Variants in BTC observed in about 807,000 individuals in gnomAD.
The protein encoded by BTC is probetacellulin.
Under a neutral mutation model 18.1 loss-of-function variants are expected in BTC, and 13 were observed. That is an observed-to-expected ratio of 0.72 (90% CI 0.47 to 1.14). The LOEUF is 1.14. Among genes scored for constraint, BTC ranks in the 50% most tolerant of loss-of-function variants. BTC has a pLI of 0.00. For synonymous variants in BTC, 83 were observed against 79.4 expected (o/e 1.05, Z -0.24); for missense variants, 247 against 224.2 (o/e 1.10, Z -0.65).
chr4:74,757,795 C>A (rs571601501), intron 2 of BTC, among the ~76,000 whole-genome samples: 10 of 152,164 alleles, frequency 6.6e-5, no homozygotes, highest in African/African-American at 2.4e-4. Flanking sequence ...TTTAGCTATG[C>A]CTTTCACTAG....
At chr4:74,772,919 G>A (rs964115563) in intron 1 of BTC, among the ~76,000 whole-genome samples, 1 of 152,156 alleles carries the variant, frequency 6.6e-6, no homozygotes, top group Non-Finnish European at 1.5e-5. Context: ...CCCACAGGCT[G>A]GGGGCTATGG....
At chr4:74,761,225 G>A (rs1176232591) in intron 2 of BTC, among the ~76,000 whole-genome samples, 1 of 152,134 alleles carries the variant, frequency 6.6e-6, no homozygotes. Flanking sequence ...GAAGGGACAG[G>A]AAGAAAACTT....
intron 4 of BTC, among the ~76,000 whole-genome samples, chr4:74,749,983 C>G (rs542436628): frequency 6.6e-6 from 1 of 151,050 alleles, no homozygotes; most frequent in South Asian, 2.1e-4. Flanking sequence ...GTATTCCCCG[C>G]TACTCAGGAG....
At chr4:74,787,874 C>T (rs1725522772) in intron 1 of BTC, among the ~76,000 whole-genome samples, 1 of 152,128 alleles carries the variant, frequency 6.6e-6, no homozygotes, top group Non-Finnish European at 1.5e-5. Flanking sequence ...CCTAAGAAAG[C>T]CTAGCAATAC....
intron 3 of BTC, among the ~76,000 whole-genome samples, chr4:74,754,786 C>T (rs986399424): frequency 6.6e-6 from 1 of 151,962 alleles, no homozygotes; most frequent in Admixed American, 6.6e-5. Context: ...TAGAGGGCAG[C>T]AATATCTAAG....
At chr4:74,755,190 A>G (rs1724566691) in intron 3 of BTC, among the ~76,000 whole-genome samples, 1 of 152,200 alleles carries the variant, frequency 6.6e-6, no homozygotes, top group South Asian at 2.1e-4. Flanking sequence ...TAAACATTCT[A>G]TGAACTTTAA....
chr4:74,755,887 C>A lies in BTC; in HGVS notation c.253G>T (p.Val85Leu). 6.2e-7 allele frequency: 1 copy of A among 1,614,122 alleles called. No homozygotes were observed. Among genetic ancestry groups the A allele is most frequent in the Non-Finnish European group, 8.5e-7 (1 of 1,180,016 alleles). Residue 85 changes from valine (V) to leucine (L), a missense_variant, in exon 3 of 6, where the codon GTG becomes TTG. Coordinates refer to ENST00000395743, the MANE Select transcript of BTC (RefSeq NM_001729.4). ...HYCIKGRCRF[V>L]VAEQTPSCVC... ...CAGGAGGGCGTCTGCTCGGCCACCA[C>A]GAAGCGGCATCTCCCTTTGATGCAG...
At chr4:74,772,524 T>C (rs1725069730) in intron 1 of BTC, among the ~76,000 whole-genome samples, 1 of 152,128 alleles carries the variant, frequency 6.6e-6, no homozygotes, top group South Asian at 2.1e-4. Flanking sequence ...ACTCTTTATA[T>C]TCAAAAATCC....
At chr4:74,752,570 G>A (rs1724493102) in intron 3 of BTC, among the ~76,000 whole-genome samples, 1 of 151,888 alleles carries the variant, frequency 6.6e-6, no homozygotes, top group Non-Finnish European at 1.5e-5. Flanking sequence ...AGTAGAGACA[G>A]GGTTTCCACC....
At chr4:74,783,121 AT>A (rs779922067) in intron 1 of BTC, among the ~76,000 whole-genome samples, 4 of 151,912 alleles carry the variant, frequency 2.6e-5, no homozygotes, top group Non-Finnish European at 4.4e-5. Context: ...CCACTTGTCA[AT>A]TTTTGCTTTT....
At chr4:74,766,792 AG>A (rs1416023610) in intron 2 of BTC, among the ~76,000 whole-genome samples, 1 of 152,094 alleles carries the variant, frequency 6.6e-6, no homozygotes, top group East Asian at 1.9e-4. Context: ...AGTTAAACAA[AG>A]ACATTATAAG....
intron 2 of BTC, among the ~76,000 whole-genome samples, chr4:74,766,140 C>G (rs1205107361): frequency 2.6e-5 from 4 of 151,944 alleles, no homozygotes; most frequent in African/African-American, 9.7e-5. Context: ...AAGGAACTTG[C>G]AAGACTAGAA....
chr4:74,769,739 A>G (rs1724990414), intron 2 of BTC, among the ~76,000 whole-genome samples: 1 of 152,172 alleles, frequency 6.6e-6, no homozygotes, highest in Non-Finnish European at 1.5e-5. Flanking sequence ...TGGAGCATGC[A>G]TCTGTGACCC....
intron 2 of BTC, among the ~76,000 whole-genome samples, chr4:74,760,924 C>T (rs1553957245): frequency 1.3e-5 from 2 of 151,968 alleles, no homozygotes; most frequent in Non-Finnish European, 1.5e-5. Flanking sequence ...TTAGTACAGA[C>T]GGGGTTTCAC....
intron 1 of BTC, among the ~76,000 whole-genome samples, chr4:74,790,651 T>C (rs1725599667): frequency 6.6e-6 from 1 of 152,186 alleles, no homozygotes; most frequent in Non-Finnish European, 1.5e-5. Flanking sequence ...CTGGAGAATA[T>C]ACAGGAGTCA....
At chr4:74,757,445 A>C (rs529807122) in intron 2 of BTC, among the ~76,000 whole-genome samples, 1 of 152,288 alleles carries the variant, frequency 6.6e-6, no homozygotes, top group South Asian at 2.1e-4. Context: ...TGCTTGATAC[A>C]TGTCAACCAA....
At chr4:74,758,988 C>T (rs1577952772) in intron 2 of BTC, among the ~76,000 whole-genome samples, 1 of 151,952 alleles carries the variant, frequency 6.6e-6, no homozygotes, top group Non-Finnish European at 1.5e-5. Flanking sequence ...CATACACAAA[C>T]CCAGATGGGC....
At chr4:74,782,876 G>C (rs1465002528) in intron 1 of BTC, among the ~76,000 whole-genome samples, 1 of 152,100 alleles carries the variant, frequency 6.6e-6, no homozygotes, top group Non-Finnish European at 1.5e-5. Context: ...TTTTTCATGT[G>C]TTTCTTGGCC....
intron 1 of BTC, among the ~76,000 whole-genome samples, chr4:74,783,232 G>A (rs369880616): frequency 6.6e-6 from 1 of 152,038 alleles, no homozygotes; most frequent in African/African-American, 2.4e-5. Flanking sequence ...TATAGTTTTG[G>A]GTTTGACATT....
Sources: gnomAD v4.1 joint callset for allele counts (sites outside exome capture counted in the v4.1 genomes callset) on GRCh38, gnomAD v4.1.1 for gene constraint, MANE v1.5 for transcripts, NCBI Gene and HGNC (gene_info 2026-07-23, HGNC 2026-07-21) for gene names.